DLGAP3: variants seen among roughly 807,000 people sequenced by gnomAD.
DLGAP3 encodes disks large-associated protein 3.
DLGAP3 carries 17 observed loss-of-function variants against 81.2 expected under a neutral mutation model. The ratio of observed to expected loss-of-function variants is 0.21; its 90% CI spans 0.14 to 0.31. The LOEUF is 0.31. Among genes scored for constraint, DLGAP3 ranks in the 10% least tolerant of loss-of-function variants. The probability of loss-of-function intolerance (pLI) is 1.00; values close to 1 mark genes in which losing one functional copy is unlikely to be tolerated. For synonymous variants in DLGAP3, 577 were observed against 587.4 expected (o/e 0.98, Z 0.26); for missense variants, 1,124 against 1,388.0 (o/e 0.81, Z 3.02).
rs117057643 is a variant in DLGAP3, at chr1:34,875,512, T to C, written c.2001-6423A>G. Among the ~76,000 whole-genome samples the C allele has an allele frequency of 1.4e-3, 211 of 152,292 alleles. 6 individuals carry two copies. In the East Asian group the frequency reaches 0.038, roughly 27 times the overall value. On this transcript the variant is annotated intron_variant, in intron 8 of 11. Transcript: ENST00000373347. ...TTCTTTATTTTGGTGGGTTTTGCTG[T>C]TGATGTTGTTGGTTTTGTTTTTGCT...
At chr1:34,894,439 T>C (rs903392440) in intron 5 of DLGAP3, among the ~76,000 whole-genome samples, 2 of 152,048 alleles carry the variant, frequency 1.3e-5, no homozygotes, top group Non-Finnish European at 2.9e-5. Flanking sequence ...AGCACACACA[T>C]GAATATATCA....
chr1:34,926,061 T>A (rs886591733), intron 1 of DLGAP3, among the ~76,000 whole-genome samples: 6 of 152,166 alleles, frequency 3.9e-5, no homozygotes, highest in Non-Finnish European at 8.8e-5. Context: ...CTAGCCTGTA[T>A]AAGTTTATAC....
At chr1:34,923,578 G>T (rs918707732) in intron 1 of DLGAP3, among the ~76,000 whole-genome samples, 4 of 152,054 alleles carry the variant, frequency 2.6e-5, no homozygotes, top group Admixed American at 1.3e-4. Context: ...GGGTGGAGGG[G>T]TGACTGCTTC....
intron 2 of DLGAP3, among the ~76,000 whole-genome samples, chr1:34,906,355 C>A (rs1569648839): frequency 6.6e-6 from 1 of 151,934 alleles, no homozygotes. Context: ...GTTGCAAGAG[C>A]CAGGCCTCAG....
intron 5 of DLGAP3, among the ~76,000 whole-genome samples, chr1:34,892,412 GA>G (rs1291433547): frequency 2.0e-5 from 3 of 152,002 alleles, no homozygotes; most frequent in Admixed American, 6.5e-5. Flanking sequence ...AGGAGGAGGG[GA>G]AAAAAAGAGG....
Position 34,868,622 on chromosome 1 carries a change from T to C in DLGAP3, c.2468A>G (p.Tyr823Cys). Residue 823 changes from tyrosine to cysteine, a missense_variant, in exon 9 of 12, where the codon TAT becomes TGT. Tyr to Cys is a radical substitution (Grantham distance 194). This residue lies in a region of DLGAP3 where 379 missense variants were observed against 455.7 expected (regional missense o/e 0.83). Transcript: ENST00000373347. This position sits in a 1 kb window ranked among gnomAD's most constrained non-coding sequence, Gnocchi z 7.5. The part of the protein sequence containing the change: ...CQQMEREAED[Y>C]ELPEEILEKI... ...TGACTCACTCTCCTCGGGTAGCTCA[T>C]AGTCCTCCGCCTCACGCTCCATCTG... The C allele has an allele frequency of 6.2e-7, 1 of 1,613,004 alleles. No individual in the cohort carries two copies.
chr1:34,909,550 C>T (rs1301517751), intron 1 of DLGAP3, among the ~76,000 whole-genome samples: 1 of 152,144 alleles, frequency 6.6e-6, no homozygotes, highest in Non-Finnish European at 1.5e-5. Flanking sequence ...CATGAGAAGC[C>T]TTTCTTTTGG....
chr1:34,892,562 G>A (rs923775870), intron 5 of DLGAP3, among the ~76,000 whole-genome samples: 2 of 152,066 alleles, frequency 1.3e-5, no homozygotes, highest in Non-Finnish European at 2.9e-5. Flanking sequence ...CAGTGCAGTG[G>A]CTATTCACAG....
At chr1:34,885,827 G>A (rs1639216804) in intron 6 of DLGAP3, 36 bp from the exon 7 acceptor site, 9 of 1,387,256 alleles carry the variant, frequency 6.5e-6, no homozygotes, top group Non-Finnish European at 8.5e-6. Context: ...AGTGGGTGAG[G>A]CTCGCGGCCC....
chr1:34,875,605 T>C (rs747029148), intron 8 of DLGAP3, among the ~76,000 whole-genome samples: 4 of 152,222 alleles, frequency 2.6e-5, no homozygotes, highest in Admixed American at 1.3e-4. Flanking sequence ...CAGATCCCTA[T>C]GGTTAGAAAG....
At chr1:34,912,516 G>A (rs922444566) in intron 1 of DLGAP3, among the ~76,000 whole-genome samples, 3 of 152,198 alleles carry the variant, frequency 2.0e-5, no homozygotes, top group Non-Finnish European at 4.4e-5. Flanking sequence ...GCAGCAAAAT[G>A]TTAAGAGTTG....
At position 34,868,456 on chromosome 1, in the gene DLGAP3, C is replaced by A; in HGVS notation, c.2485+149G>T. On this transcript the variant is annotated intron_variant, in intron 9 of 11. Coordinates refer to ENST00000373347, the MANE Select transcript of DLGAP3 (RefSeq NM_001080418.3). This position sits in a 1 kb window ranked among gnomAD's most constrained non-coding sequence, Gnocchi z 7.5. ...CAGCATGTCTTGCTGCCGATGTTGACCCGCCACGCTCCAGTGCAGAAGACC... is the reference window on the plus strand; with the variant it reads ...CAGCATGTCTTGCTGCCGATGTTGAACCGCCACGCTCCAGTGCAGAAGACC... 1.4e-6 allele frequency: 1 copy of A among 717,724 alleles called. No individual in the cohort carries two copies. The highest frequency in any genetic ancestry group is 2.5e-6 in the Non-Finnish European group (1 of 400,294). 44.5% of individuals were successfully genotyped at this position (717,724 alleles called of 1,614,324 possible).
chr1:34,898,092 TAC>T lies in DLGAP3; in HGVS notation c.1386+1575_1386+1576del, dbSNP rs1409610220. Among the ~76,000 whole-genome samples the T allele has an allele frequency of 2.0e-5, 3 of 152,302 alleles. No homozygotes were observed. In the East Asian group the frequency reaches 5.8e-4, roughly 29 times the overall value. ...ACTAAACATCCGAATGAGATTTCAA[TAC>T]ACAGTTAGACATATATGCCTGGCAT... On this transcript the variant is annotated intron_variant, in intron 5 of 11. Transcript: ENST00000373347.
Position 34,865,880 on chromosome 1 carries a change from G to A in DLGAP3, c.*203C>T, listed in dbSNP as rs990426629. 2.7e-5 allele frequency: 18 copies of A among 669,752 alleles called. No homozygotes were observed. The highest frequency in any genetic ancestry group is 3.5e-5 in the Non-Finnish European group (13 of 372,644). The allele number at this position is 669,752 out of a possible 1,614,324, so 41.5% of individuals were successfully genotyped here. The stretch of plus-strand genomic sequence containing the variant: ...TGAGGGGCGCAGGGCGGAGAGGCAC[G>A]GCCCCCTGCCCAGCCCGGGCGCCTT... On this transcript the variant is annotated 3_prime_UTR_variant, in exon 12 of 12. Transcript: ENST00000373347.
intron 3 of DLGAP3, among the ~76,000 whole-genome samples, chr1:34,903,719 T>A (rs1270639583): frequency 6.6e-6 from 1 of 152,150 alleles, no homozygotes; most frequent in Non-Finnish European, 1.5e-5. Flanking sequence ...ATGAGACACA[T>A]GAAACTCCCA....
chr1:34,897,362 G>C (rs2148408159), intron 5 of DLGAP3, among the ~76,000 whole-genome samples: 1 of 152,312 alleles, frequency 6.6e-6, no homozygotes, highest in Middle Eastern at 3.4e-3. Flanking sequence ...TGTTGGAAAG[G>C]GAGAGTTAAA....
At chr1:34,897,041 A>G (rs1639389268) in intron 5 of DLGAP3, among the ~76,000 whole-genome samples, 1 of 152,220 alleles carries the variant, frequency 6.6e-6, no homozygotes, top group African/African-American at 2.4e-5. Context: ...TTTTCAAAAA[A>G]TATACCTGAG....
At chr1:34,887,138 G>C (rs771761814) in intron 5 of DLGAP3, among the ~76,000 whole-genome samples, 1 of 151,618 alleles carries the variant, frequency 6.6e-6, no homozygotes, top group Non-Finnish European at 1.5e-5. Context: ...TGTATTTCTA[G>C]TAGAGACAGG....
rs778906553 is a variant in DLGAP3, at chr1:34,902,316, A to AC, written c.1107+1960dup. ...GGATGAGATGGGGTCCCTTGAAGGAACCCACGGGCAGGAGCAGGGCTCTTC... is the reference window on the plus strand; with the variant it reads ...GGATGAGATGGGGTCCCTTGAAGGAACCCCACGGGCAGGAGCAGGGCTCTTC... On this transcript the variant is annotated intron_variant, in intron 3 of 11. Transcript: ENST00000373347. The surrounding 1 kb of genome is among the most constrained non-coding windows in gnomAD (Gnocchi z 4.4). 3.9e-5 allele frequency among the ~76,000 whole-genome samples: 6 copies of AC among 152,100 alleles called. No homozygotes were observed. The highest frequency in any genetic ancestry group is 8.8e-5 in the Non-Finnish European group (6 of 68,010).
Sources: allele counts gnomAD v4.1 joint callset (sites outside exome capture counted in the v4.1 genomes callset), GRCh38; gene constraint gnomAD v4.1.1; regional missense constraint gnomAD v4.1.1; non-coding constraint Gnocchi (gnomAD v3.1); transcripts MANE v1.5; gene names NCBI Gene and HGNC (gene_info 2026-07-23, HGNC 2026-07-21).